Variants in TMEM182 observed in about 807,000 individuals in gnomAD.
TMEM182 encodes the protein transmembrane protein 182.
A neutral mutation model predicts 26.8 loss-of-function variants in TMEM182; 20 were observed. The ratio of observed to expected loss-of-function variants is 0.75; its 90% confidence interval spans 0.53 to 1.09. The LOEUF (loss-of-function observed/expected upper bound fraction) is 1.09. Among genes scored for constraint, TMEM182 ranks in the 50% least tolerant of loss-of-function variants. The pLI is 0.00. For missense variants in TMEM182, 277 were observed against 275.5 expected (o/e 1.01, Z -0.04); for synonymous variants, 109 against 102.2 (o/e 1.07, Z -0.40).
intron 4 of TMEM182, among the ~76,000 whole-genome samples, chr2:102,803,343 C>T (rs990379672): frequency 6.6e-6 from 1 of 152,208 alleles, no homozygotes; most frequent in Non-Finnish European, 1.5e-5. Flanking sequence ...GTCTGCAGCT[C>T]ACCCGTCCTT....
chr2:102,819,970 A>G (rs538220514), downstream of TMEM182, among the ~76,000 whole-genome samples: 39 of 152,296 alleles, frequency 2.6e-4, no homozygotes, highest in African/African-American at 9.1e-4. Context: ...GTGTCTTTGA[A>G]CATGTTCTGC....
chr2:102,802,309 G>A (rs891702448), intron 4 of TMEM182, among the ~76,000 whole-genome samples: 1 of 152,142 alleles, frequency 6.6e-6, no homozygotes, highest in Admixed American at 6.5e-5. Flanking sequence ...GGGGCCCATG[G>A]TGTTCCCTTT....
At chr2:102,799,483 GGA>G (rs760928425) in intron 4 of TMEM182, among the ~76,000 whole-genome samples, 10 of 152,192 alleles carry the variant, frequency 6.6e-5, no homozygotes, top group Non-Finnish European at 8.8e-5. Context: ...TGTATACCTG[GGA>G]GCTTTCAGAT....
chr2:102,769,536 A>G (rs1377408631), intron 3 of TMEM182, among the ~76,000 whole-genome samples: 1 of 152,174 alleles, frequency 6.6e-6, no homozygotes, highest in Non-Finnish European at 1.5e-5. Flanking sequence ...CATCATAACT[A>G]TACATGTCTA....
intron 3 of TMEM182, among the ~76,000 whole-genome samples, chr2:102,797,593 A>G (rs1470939109): frequency 6.6e-6 from 1 of 152,154 alleles, no homozygotes; most frequent in African/African-American, 2.4e-5. Context: ...CGTGATGGAA[A>G]AAAGAGCTCC....
chr2:102,794,721 G>C (rs949222183), intron 3 of TMEM182, among the ~76,000 whole-genome samples: 1 of 152,096 alleles, frequency 6.6e-6, no homozygotes, highest in Non-Finnish European at 1.5e-5. Flanking sequence ...CTGCTTTCAA[G>C]ACTTTTTTTT....
At chr2:102,814,431 A>G (rs747538102) in intron 4 of TMEM182, among the ~76,000 whole-genome samples, 7 of 152,318 alleles carry the variant, frequency 4.6e-5, no homozygotes, top group Non-Finnish European at 2.9e-5. Flanking sequence ...AAGTTAGAAT[A>G]TAAATTCTAC....
chr2:102,758,320 A>C, upstream of TMEM182: 1 of 614,130 alleles, frequency 1.6e-6, no homozygotes, highest in Non-Finnish European at 3.0e-6. Context: ...TTCCTAGTGC[A>C]TGGACATTTT....
chr2:102,747,220 C>T (rs1679727328), intron 1 of TMEM182, among the ~76,000 whole-genome samples: 2 of 152,188 alleles, frequency 1.3e-5, no homozygotes, highest in South Asian at 4.2e-4. Flanking sequence ...TACATATTTT[C>T]AGTTGGAGAT....
At position 102,823,345 on chromosome 2, in the gene TMEM182, A is replaced by T. The variant is rs112507104; in HGVS notation, c.326-20067A>T. Among the ~76,000 whole-genome samples the T allele has an allele frequency of 8.4e-3, 1,279 of 151,868 alleles. 16 individuals are homozygous for T. The highest frequency in any genetic ancestry group is 0.03 in the African/African-American group (1,232 of 41,432). On this transcript the variant is annotated intron_variant, in intron 3 of 3. Transcript: ENST00000486293. ...AGTTCTTCCTTTATTTTTTATTTTT[A>T]TTTTTTTGATGGAGTCTCAAACTGT...
At position 102,817,147 on chromosome 2, in the gene TMEM182, T is replaced by C. The variant is rs1269636149; in HGVS notation, c.*2179T>C. On this transcript the variant is annotated 3_prime_UTR_variant, in exon 5 of 5. Coordinates refer to ENST00000412401, the MANE Select transcript of TMEM182 (RefSeq NM_144632.5). Reference sequence around the variant, plus strand: ...GATTGCTATGTCAATGAGTGAAATATACTTAAAAATGGCAGAGTTATATAG... The same window carrying C: ...GATTGCTATGTCAATGAGTGAAATACACTTAAAAATGGCAGAGTTATATAG... 4 of 985,268 alleles carry C rather than the reference T, an allele frequency of 4.1e-6. No individual in the cohort carries two copies. Among genetic ancestry groups the C allele is most frequent in the Non-Finnish European group, 3.6e-6 (3 of 829,862 alleles). 61.0% of individuals were successfully genotyped at this position (985,268 alleles called of 1,614,324 possible). A position where few individuals can be genotyped will look rare whatever the true frequency, so the allele number is the denominator to read the frequency against.
rs564008205 is a variant in TMEM182 at position 102,815,115 on chromosome 2, C to T, written c.*147C>T. ...TTAATCATTTTACTAAAATTTTCTT[C>T]AGTAAGAAGGTCCTAGAATCTCTCC... On this transcript the variant is annotated 3_prime_UTR_variant, in exon 5 of 5. Transcript: ENST00000412401. The T allele has an allele frequency of 6.4e-4, 919 of 1,441,374 alleles. 16 individuals are homozygous for T. In the South Asian group the frequency reaches 0.012, roughly 19 times the overall value. The allele number at this position is 1,441,374 out of a possible 1,614,324, so 89.3% of individuals were successfully genotyped here. A position where few individuals can be genotyped will look rare whatever the true frequency, so the allele number is the denominator to read the frequency against.
At chr2:102,756,302 C>G (rs1035307764) in intron 1 of TMEM182, among the ~76,000 whole-genome samples, 13 of 151,992 alleles carry the variant, frequency 8.6e-5, no homozygotes, top group Admixed American at 5.9e-4. Flanking sequence ...GTGATCTCCA[C>G]CTAAAGTGGA....
upstream of TMEM182, among the ~76,000 whole-genome samples, chr2:102,760,199 G>A (rs912953468): frequency 6.6e-6 from 1 of 152,198 alleles, no homozygotes; most frequent in Non-Finnish European, 1.5e-5. Context: ...GCGTTTAAAG[G>A]AAGAGAGTGT....
At chr2:102,836,277 T>G (rs1683246169) in intron 3 of TMEM182, among the ~76,000 whole-genome samples, 1 of 152,214 alleles carries the variant, frequency 6.6e-6, no homozygotes. Context: ...GATCATATGA[T>G]AAGAATATGT....
chr2:102,814,612 G>C, intron 4 of TMEM182, 136 bp from the exon 5 acceptor site: 1 of 700,076 alleles, frequency 1.4e-6, no homozygotes, highest in Non-Finnish European at 2.3e-6. Flanking sequence ...CATAATAAAA[G>C]GTCTGACGTA....
upstream of TMEM182, chr2:102,757,557 A>T (rs1046980443): frequency 6.6e-6 from 1 of 152,150 alleles, no homozygotes; most frequent in Non-Finnish European, 1.5e-5. Context: ...AGTACTCGTC[A>T]TGGTGCCTGC....
intron 1 of TMEM182, among the ~76,000 whole-genome samples, chr2:102,747,033 T>G (rs974470390): frequency 6.6e-6 from 1 of 152,274 alleles, no homozygotes; most frequent in Non-Finnish European, 1.5e-5. Flanking sequence ...ATTGGATATC[T>G]TAAATGGTTT....
chr2:102,822,008 A>G (rs1394361822), downstream of TMEM182, among the ~76,000 whole-genome samples: 3 of 151,944 alleles, frequency 2.0e-5, 1 homozygote, highest in East Asian at 5.8e-4. Flanking sequence ...AAAAAATGCA[A>G]CACTTAAGAT....
Sources: allele counts gnomAD v4.1 joint callset (sites outside exome capture counted in the v4.1 genomes callset), GRCh38; gene constraint gnomAD v4.1.1; transcripts MANE v1.5; gene names NCBI Gene and HGNC (gene_info 2026-07-23, HGNC 2026-07-21).